The following UNC13C variants were observed in gnomAD, a reference collection of about 807,000 sequenced individuals.
UNC13C encodes unc-13 homolog C.
In UNC13C, 174 loss-of-function variants were observed where a neutral mutation model predicts 245.4. The ratio of observed to expected loss-of-function variants is 0.71; its 90% CI spans 0.63 to 0.80. UNC13C has a LOEUF of 0.80. UNC13C is among the 30% of genes least tolerant of loss of function. UNC13C has a pLI of 0.00. For missense variants in UNC13C, 2,829 were observed against 2,602.9 expected (o/e 1.09, Z -1.89); for synonymous variants, 992 against 895.1 (o/e 1.11, Z -1.93).
chr15:54,328,790 G>T (rs1341807289), intron 14 of UNC13C, among the ~76,000 whole-genome samples: 1 of 151,914 alleles, frequency 6.6e-6, no homozygotes, highest in African/African-American at 2.4e-5. Flanking sequence ...AGGCCCATAA[G>T]CTAAGAATAT....
At chr15:54,004,660 T>C (rs562076223) in intron 1 of UNC13C, among the ~76,000 whole-genome samples, 2 of 152,214 alleles carry the variant, frequency 1.3e-5, no homozygotes, top group Non-Finnish European at 2.9e-5. Context: ...CTCAACATCC[T>C]CACCAGCATT....
At chr15:54,038,227 A>G (rs970682150) in intron 2 of UNC13C, among the ~76,000 whole-genome samples, 7 of 149,058 alleles carry the variant, frequency 4.7e-5, no homozygotes, top group Non-Finnish European at 1.0e-4. Flanking sequence ...GGTTCAAGCA[A>G]TTCTCATACC....
intron 4 of UNC13C, among the ~76,000 whole-genome samples, chr15:54,202,179 C>G (rs1304228405): frequency 6.6e-6 from 1 of 151,906 alleles, no homozygotes; most frequent in Non-Finnish European, 1.5e-5. Context: ...ATGACACCAA[C>G]AAATGGAAAC....
intron 19 of UNC13C, among the ~76,000 whole-genome samples, chr15:54,473,338 T>G (rs898341921): frequency 1.3e-5 from 2 of 151,998 alleles, no homozygotes; most frequent in Non-Finnish European, 2.9e-5. Context: ...CCTTAAACAT[T>G]GATCATTTCT....
intron 2 of UNC13C, among the ~76,000 whole-genome samples, chr15:54,019,324 A>G (rs1379128455): frequency 6.6e-6 from 1 of 152,258 alleles, no homozygotes; most frequent in African/African-American, 2.4e-5. Context: ...GATGAAGAAC[A>G]GAGTCAGCCA....
rs538595444 is a variant in UNC13C at position 53,987,135 on chromosome 15, T to G, written c.-257+8208T>G. Among the ~76,000 whole-genome samples, 14 of 152,174 alleles carry G rather than the reference T, an allele frequency of 9.2e-5. No homozygotes were observed. The South Asian group carries it at 2.7e-3, about 29-fold the overall frequency. On this transcript the variant is annotated intron_variant, in intron 1 of 32. Transcript: ENST00000260323. Reference sequence around the variant, plus strand: ...CTACAGTATAAAATATTAAACTATGTTTAGCATAATTTGTCTTCATTTCAC... The same window carrying G: ...CTACAGTATAAAATATTAAACTATGGTTAGCATAATTTGTCTTCATTTCAC...
intron 19 of UNC13C, among the ~76,000 whole-genome samples, chr15:54,462,969 G>T (rs994278154): frequency 4.6e-5 from 7 of 152,092 alleles, no homozygotes. Context: ...AATTGTAAAT[G>T]CACCAATCAG....
intron 4 of UNC13C, among the ~76,000 whole-genome samples, chr15:54,170,357 A>C (rs1009622691): frequency 6.6e-6 from 1 of 152,170 alleles, no homozygotes; most frequent in Non-Finnish European, 1.5e-5. Flanking sequence ...CGTATAGCAC[A>C]CAGGTGATTA....
intron 1 of UNC13C, among the ~76,000 whole-genome samples, chr15:54,001,979 G>C (rs546691346): frequency 1.3e-5 from 2 of 152,312 alleles, no homozygotes; most frequent in South Asian, 4.1e-4. Context: ...GTATGGTTTG[G>C]TAACCATACA....
chr15:53,882,556 A>T, the UNC13C span, among the ~76,000 whole-genome samples: 2 of 152,148 alleles, frequency 1.3e-5, no homozygotes, highest in Non-Finnish European at 2.9e-5. Context: ...CTTTAAGAAA[A>T]GACATTTCAA....
chr15:53,848,159 C>A, the UNC13C span, among the ~76,000 whole-genome samples: 1 of 152,086 alleles, frequency 6.6e-6, no homozygotes, highest in South Asian at 2.1e-4. Context: ...TTTTAAAGAA[C>A]CAGTTTTTTA....
chr15:54,095,705 C>T (rs955483063), intron 2 of UNC13C, among the ~76,000 whole-genome samples: 3 of 152,096 alleles, frequency 2.0e-5, no homozygotes, highest in African/African-American at 4.8e-5. Context: ...TTAGAGTACT[C>T]GGACGAAACA....
the UNC13C span, among the ~76,000 whole-genome samples, chr15:53,883,525 G>A: frequency 2.0e-5 from 3 of 152,074 alleles, no homozygotes; most frequent in East Asian, 1.9e-4. Flanking sequence ...AATGCCAATC[G>A]GGTCTATCAC....
rs1596072355 is a variant in UNC13C at position 54,243,507 on chromosome 15, G to A, written c.3228+5817G>A. ...TTCCTTTGGGTATATACCCAGTAATGGGATTGCTGGGTCAAGTGGTATTTC... is the reference window on the plus strand; with the variant it reads ...TTCCTTTGGGTATATACCCAGTAATAGGATTGCTGGGTCAAGTGGTATTTC... On this transcript the variant is annotated intron_variant, in intron 7 of 32. Transcript: ENST00000260323. Among the ~76,000 whole-genome samples, 5 of 152,244 alleles carry A rather than the reference G, an allele frequency of 3.3e-5. No individual in the cohort carries two copies. The South Asian group carries it at 8.3e-4, about 25-fold the overall frequency.
intron 1 of UNC13C, among the ~76,000 whole-genome samples, chr15:54,004,560 T>C (rs922496776): frequency 6.6e-6 from 1 of 152,170 alleles, no homozygotes; most frequent in Admixed American, 6.5e-5. Flanking sequence ...GGTAGCTCTA[T>C]TTTTAGTTTT....
chr15:53,934,739 A>G, the UNC13C span, among the ~76,000 whole-genome samples: 1 of 152,180 alleles, frequency 6.6e-6, no homozygotes, highest in African/African-American at 2.4e-5. Flanking sequence ...CAAGGCACCG[A>G]CACAGTCAGT....
intron 18 of UNC13C, among the ~76,000 whole-genome samples, chr15:54,403,498 G>T (rs931329755): frequency 6.6e-6 from 1 of 151,978 alleles, no homozygotes; most frequent in Non-Finnish European, 1.5e-5. Flanking sequence ...GAGGCAGGAG[G>T]ATTTCTTGAG....
At chr15:54,522,188 T>C (rs1429190883) in intron 24 of UNC13C, among the ~76,000 whole-genome samples, 2 of 151,928 alleles carry the variant, frequency 1.3e-5, no homozygotes, top group Admixed American at 1.3e-4. Flanking sequence ...GATGTCTTTC[T>C]GGCCAGGCGC....
intron 13 of UNC13C, among the ~76,000 whole-genome samples, chr15:54,302,306 T>A (rs1430703880): frequency 6.6e-6 from 1 of 152,210 alleles, no homozygotes; most frequent in Non-Finnish European, 1.5e-5. Context: ...TAGATCCCAT[T>A]TGTCAATTTT....
Sources: allele counts gnomAD v4.1 joint callset (sites outside exome capture counted in the v4.1 genomes callset), GRCh38; gene constraint gnomAD v4.1.1; transcripts MANE v1.5; gene names NCBI Gene and HGNC (gene_info 2026-07-23, HGNC 2026-07-21).